TENM3: variants seen among roughly 807,000 people sequenced by gnomAD.
TENM3 encodes teneurin-3.
A neutral mutation model predicts 255.1 loss-of-function variants in TENM3; 63 were observed. The observed-to-expected ratio is 0.25, with a 90% CI of 0.20 to 0.30. The LOEUF (loss-of-function observed/expected upper bound fraction) is 0.30. Among genes scored for constraint, TENM3 ranks in the 10% least tolerant of loss-of-function variants. The pLI is 1.00. For missense variants in TENM3, 2,929 were observed against 3,461.1 expected, an observed-to-expected ratio of 0.85 and a Z score of 3.86; for synonymous variants, 1,306 against 1,322.3, an observed-to-expected ratio of 0.99 and a Z score of 0.27.
intron 2 of TENM3, among the ~76,000 whole-genome samples, chr4:182,338,365 C>A (rs1477232516): frequency 6.6e-6 from 1 of 152,116 alleles, no homozygotes; most frequent in Non-Finnish European, 1.5e-5. Context: ...ATATCCAGGA[C>A]TGCACTGAGA....
intron 2 of TENM3, among the ~76,000 whole-genome samples, chr4:182,328,555 A>ATC (rs1491052748): frequency 2.7e-5 from 1 of 36,748 alleles, no homozygotes; most frequent in Non-Finnish European, 4.8e-5. Context: ...CGTGATATCT[A>ATC]TGTTTGTACG....
At chr4:182,728,618 C>G (rs1760419290) in intron 13 of TENM3, among the ~76,000 whole-genome samples, 1 of 152,218 alleles carries the variant, frequency 6.6e-6, no homozygotes, top group South Asian at 2.1e-4. Flanking sequence ...GCACAGCCTA[C>G]TGCACTCCTA....
At chr4:181,810,457 G>A in the TENM3 span, among the ~76,000 whole-genome samples, 3 of 151,758 alleles carry the variant, frequency 2.0e-5, no homozygotes, top group Non-Finnish European at 4.4e-5. Context: ...TTTCTCATTC[G>A]TAGCTCCTGA....
At chr4:181,526,423 A>T in the TENM3 span, among the ~76,000 whole-genome samples, 1 of 152,250 alleles carries the variant, frequency 6.6e-6, no homozygotes, top group Admixed American at 6.5e-5. Flanking sequence ...ATTTCACTTC[A>T]CTGTATCTGC....
At chr4:181,837,533 G>T in the TENM3 span, among the ~76,000 whole-genome samples, 44 of 152,230 alleles carry the variant, frequency 2.9e-4, no homozygotes, top group Admixed American at 5.2e-4. Flanking sequence ...AGACTGTGCT[G>T]CATTTGATCA....
chr4:182,220,716 A>G (rs1431969769), intron 1 of TENM3, among the ~76,000 whole-genome samples: 1 of 152,226 alleles, frequency 6.6e-6, no homozygotes, highest in Non-Finnish European at 1.5e-5. Flanking sequence ...ATTACATGGT[A>G]TTGTATAATT....
At chr4:182,796,899 A>G in intron 27 of TENM3, 132 bp downstream of exon 27, 1 of 609,352 alleles carries the variant, frequency 1.6e-6, no homozygotes, top group Non-Finnish European at 2.6e-6. Context: ...AGGGAAAAAA[A>G]ACAACACTTC....
chr4:182,795,973 A>T (rs568604684), intron 26 of TENM3, among the ~76,000 whole-genome samples: 1 of 152,330 alleles, frequency 6.6e-6, no homozygotes, highest in East Asian at 1.9e-4. Context: ...TTGGAGTCAC[A>T]TGGCAATATT....
chr4:181,964,399 AGAT>A, the TENM3 span, among the ~76,000 whole-genome samples: 2 of 152,212 alleles, frequency 1.3e-5, no homozygotes, highest in Non-Finnish European at 2.9e-5. Context: ...TGTGTGTGTC[AGAT>A]GACTCTAGCC....
chr4:181,530,565 C>T, the TENM3 span, among the ~76,000 whole-genome samples: 4 of 152,290 alleles, frequency 2.6e-5, no homozygotes, highest in East Asian at 5.8e-4. Context: ...TTTTTCCCCC[C>T]ATTGCTAACA....
chr4:182,484,288 T>C (rs1239583389), intron 3 of TENM3, among the ~76,000 whole-genome samples: 2 of 152,204 alleles, frequency 1.3e-5, no homozygotes, highest in African/African-American at 4.8e-5. Context: ...CCTGAGGTCA[T>C]GCAGCTAGTC....
At chr4:182,197,687 T>A (rs1753916822) in intron 1 of TENM3, among the ~76,000 whole-genome samples, 1 of 152,200 alleles carries the variant, frequency 6.6e-6, no homozygotes, top group Non-Finnish European at 1.5e-5. Context: ...AACTTTAGTT[T>A]TGTCAGATTT....
chr4:182,294,905 A>G (rs1338531804), intron 1 of TENM3, among the ~76,000 whole-genome samples: 2 of 152,176 alleles, frequency 1.3e-5, no homozygotes, highest in African/African-American at 4.8e-5. Flanking sequence ...CCCTTGGTGC[A>G]ATGCCTATTT....
At chr4:182,161,578 G>A (rs1418286494) in intron 1 of TENM3, among the ~76,000 whole-genome samples, 3 of 134,186 alleles carry the variant, frequency 2.2e-5, no homozygotes, top group Non-Finnish European at 4.6e-5. Context: ...CAGAGTTGAG[G>A]CTCAGTCCAA....
Position 182,324,102 on chromosome 4 carries a change from G to A in TENM3, c.82G>A (p.Ala28Thr), listed in dbSNP as rs200601734. 2.6e-4 allele frequency: 422 copies of A among 1,613,836 alleles called. No individual in the cohort carries two copies. The highest frequency in any genetic ancestry group is 6.2e-5 in the Non-Finnish European group (73 of 1,179,890). The change falls in exon 2 of 28, where the codon GCA (alanine) becomes ACA (threonine). Residue 28 changes from alanine to threonine, a missense_variant. Transcript: ENST00000511685. ...EKERRYTNSS[A>T]DNEECRVPTQ... ...GGAACGGCGCTACACAAATTCCTCC[G>A]CAGACAATGAGGAGTGCCGGGTACC... is the stretch of plus-strand genomic sequence containing the variant.
chr4:181,738,759 A>G, the TENM3 span, among the ~76,000 whole-genome samples: 1 of 152,186 alleles, frequency 6.6e-6, no homozygotes, highest in East Asian at 1.9e-4. Context: ...GTTAATAGCT[A>G]TGAGTAGATA....
At position 182,322,043 on chromosome 4, in the gene TENM3, G is replaced by A. The variant is rs569103332; in HGVS notation, c.-75-1903G>A. Among the ~76,000 whole-genome samples the A allele has an allele frequency of 5.3e-5, 8 of 152,276 alleles. No individual in the cohort carries two copies. In the East Asian group the frequency reaches 1.3e-3, roughly 26 times the overall value. ...GTTTTAATCCTTTGGTATAAAAATAGTCTGTCACCATACCTTGAAATTGTT... is the reference window on the plus strand; with the variant it reads ...GTTTTAATCCTTTGGTATAAAAATAATCTGTCACCATACCTTGAAATTGTT... On this transcript the variant is annotated intron_variant, in intron 1 of 27. Coordinates refer to ENST00000511685, the MANE Select transcript of TENM3 (RefSeq NM_001080477.4).
chr4:181,976,521 C>A, the TENM3 span: 1 of 152,210 alleles, frequency 6.6e-6, no homozygotes, highest in Non-Finnish European at 1.5e-5. Context: ...CATCTTCTTG[C>A]AGGATGCAAT....
upstream of TENM3, chr4:182,141,122 C>T (rs13142890): frequency 0.029 from 4,376 of 152,160 alleles, 93 homozygotes; most frequent in Middle Eastern, 0.047. Flanking sequence ...GCAAGAGGGG[C>T]CCACGGGAGG....
Sources: gnomAD v4.1 joint callset for allele counts (sites outside exome capture counted in the v4.1 genomes callset) on GRCh38, gnomAD v4.1.1 for gene constraint, MANE v1.5 for transcripts, NCBI Gene and HGNC (gene_info 2026-07-23, HGNC 2026-07-21) for gene names.